The following SEMA5A variants were observed in gnomAD, a reference collection of about 807,000 sequenced individuals.
SEMA5A encodes semaphorin 5A, also known as semaphorin-5A.
SEMA5A carries 55 observed loss-of-function variants against 135.5 expected under a neutral mutation model. The observed-to-expected ratio is 0.41, with a 90% CI of 0.33 to 0.51. The LOEUF (loss-of-function observed/expected upper bound fraction) is 0.51. Among genes scored for constraint, SEMA5A ranks in the 20% least tolerant of loss-of-function variants. SEMA5A has a pLI of 0.37. For missense variants in SEMA5A, 1,290 were observed against 1,419.9 expected, an observed-to-expected ratio of 0.91 and a Z score of 1.47; for synonymous variants, 580 against 546.5, an observed-to-expected ratio of 1.06 and a Z score of -0.85.
chr5:9,535,423 G>A (rs929076807), intron 1 of SEMA5A, among the ~76,000 whole-genome samples: 1 of 152,104 alleles, frequency 6.6e-6, no homozygotes, highest in Non-Finnish European at 1.5e-5. Context: ...GACACGCTGA[G>A]ATGCTCTCTC....
chr5:9,136,715 T>A (rs1300632755), intron 12 of SEMA5A, 94 bp from the exon 13 acceptor site: 2 of 1,005,388 alleles, frequency 2.0e-6, no homozygotes, highest in African/African-American at 3.2e-5. Context: ...CAGAGAGGTA[T>A]GGGATTTCTT....
At chr5:9,372,174 G>A (rs182165121) in intron 3 of SEMA5A, among the ~76,000 whole-genome samples, 32 of 152,322 alleles carry the variant, frequency 2.1e-4, no homozygotes, top group East Asian at 1.5e-3. Flanking sequence ...ACAGGGACTC[G>A]AGGAATCCTC....
chr5:9,300,395 T>TC (rs1751560225), intron 5 of SEMA5A, among the ~76,000 whole-genome samples: 1 of 152,142 alleles, frequency 6.6e-6, no homozygotes, highest in African/African-American at 2.4e-5. Flanking sequence ...CACAGAATTA[T>TC]CTGACCTACA....
chr5:9,072,654 G>C (rs1737834592), intron 16 of SEMA5A, among the ~76,000 whole-genome samples: 1 of 152,096 alleles, frequency 6.6e-6, no homozygotes, highest in Admixed American at 6.6e-5. Flanking sequence ...CCACAGTGGG[G>C]AAAAATTACT....
chr5:9,456,988 G>A (rs1758862467), intron 1 of SEMA5A, among the ~76,000 whole-genome samples: 1 of 152,102 alleles, frequency 6.6e-6, no homozygotes, highest in South Asian at 2.1e-4. Flanking sequence ...CGTAACTAAA[G>A]CCTCTAAGAC....
intron 11 of SEMA5A, among the ~76,000 whole-genome samples, chr5:9,173,638 C>A (rs1744048779): frequency 6.6e-6 from 1 of 152,142 alleles, no homozygotes; most frequent in African/African-American, 2.4e-5. Context: ...CCTAAAGGCT[C>A]CACCTCCAGA....
At chr5:9,280,364 G>C (rs137946186) in intron 5 of SEMA5A, among the ~76,000 whole-genome samples, 19 of 152,308 alleles carry the variant, frequency 1.2e-4, no homozygotes, top group Admixed American at 4.6e-4. Context: ...AAGTGGGAAA[G>C]GTCCTTCAAG....
chr5:9,071,330 C>T (rs977844844), intron 16 of SEMA5A, among the ~76,000 whole-genome samples: 1 of 152,104 alleles, frequency 6.6e-6, no homozygotes, highest in Admixed American at 6.5e-5. Flanking sequence ...CTAATTCAGG[C>T]CCCCATCACC....
intron 5 of SEMA5A, among the ~76,000 whole-genome samples, chr5:9,299,929 A>G (rs1751529449): frequency 6.6e-6 from 1 of 152,180 alleles, no homozygotes; most frequent in Non-Finnish European, 1.5e-5. Flanking sequence ...AATGAGAGCC[A>G]GAAGTTCCCA....
chr5:9,112,127 A>C (rs1740276307), intron 15 of SEMA5A, among the ~76,000 whole-genome samples: 1 of 152,212 alleles, frequency 6.6e-6, no homozygotes, highest in African/African-American at 2.4e-5. Context: ...GATGTACCTC[A>C]TGATGTGTTA....
intron 12 of SEMA5A, among the ~76,000 whole-genome samples, chr5:9,152,591 T>C (rs1460828803): frequency 6.6e-6 from 1 of 152,250 alleles, no homozygotes; most frequent in Non-Finnish European, 1.5e-5. Context: ...CTTCATTTTC[T>C]AGAATCATCT....
intron 2 of SEMA5A, among the ~76,000 whole-genome samples, chr5:9,406,481 A>G (rs1452797731): frequency 6.6e-6 from 1 of 152,224 alleles, no homozygotes; most frequent in Non-Finnish European, 1.5e-5. Context: ...AAAAACCAGC[A>G]ACACTGATTT....
intron 15 of SEMA5A, among the ~76,000 whole-genome samples, chr5:9,109,185 C>T (rs57985384): frequency 0.088 from 13,169 of 149,258 alleles, 1,072 homozygotes; most frequent in East Asian, 0.3. Flanking sequence ...GGACTACAGG[C>T]GCCCGCCACT....
At chr5:9,413,772 C>T (rs1757186788) in intron 2 of SEMA5A, among the ~76,000 whole-genome samples, 1 of 152,076 alleles carries the variant, frequency 6.6e-6, no homozygotes, top group South Asian at 2.1e-4. Context: ...ACATAGACAA[C>T]AAAAGCTCCA....
At chr5:9,349,945 C>A (rs1754042727) in intron 3 of SEMA5A, among the ~76,000 whole-genome samples, 1 of 151,786 alleles carries the variant, frequency 6.6e-6, no homozygotes, top group Admixed American at 6.6e-5. Flanking sequence ...AACATGCTAT[C>A]AAAATAAAAT....
chr5:9,257,818 A>G (rs1047643766), intron 5 of SEMA5A, among the ~76,000 whole-genome samples: 2 of 152,134 alleles, frequency 1.3e-5, no homozygotes, highest in Non-Finnish European at 2.9e-5. Flanking sequence ...GGGAGGGTTC[A>G]GCAAAGCCCA....
intron 5 of SEMA5A, among the ~76,000 whole-genome samples, chr5:9,315,517 G>C (rs1031509462): frequency 2.6e-5 from 4 of 152,120 alleles, no homozygotes; most frequent in African/African-American, 9.7e-5. Flanking sequence ...TTTGGGTCAA[G>C]TATTGCATTT....
At chr5:9,162,564 GTATATATA>G (rs779776274) in intron 11 of SEMA5A, among the ~76,000 whole-genome samples, 1 of 84,016 alleles carries the variant, frequency 1.2e-5, no homozygotes, top group African/African-American at 3.9e-5. Context: ...GTGTGTGTGT[GTATATATA>G]TATATATATA....
At chr5:9,299,870 A>C (rs1751524847) in intron 5 of SEMA5A, among the ~76,000 whole-genome samples, 1 of 152,194 alleles carries the variant, frequency 6.6e-6, no homozygotes, top group South Asian at 2.1e-4. Flanking sequence ...ATCCAAATGT[A>C]GCTGAGATGT....
Sources: gnomAD v4.1 joint callset for allele counts (sites outside exome capture counted in the v4.1 genomes callset) on GRCh38, gnomAD v4.1.1 for gene constraint, MANE v1.5 for transcripts, NCBI Gene and HGNC (gene_info 2026-07-23, HGNC 2026-07-21) for gene names.